The following ZFP69B variants were observed in gnomAD, a reference collection of about 807,000 sequenced individuals.
ZFP69B encodes the protein ZFP69 zinc finger protein B.
A neutral mutation model predicts 19.7 loss-of-function variants in ZFP69B; 20 were observed. The ratio of observed to expected loss-of-function variants is 1.02; its 90% CI spans 0.71 to 1.48. ZFP69B has a LOEUF of 1.48. Among genes scored for constraint, ZFP69B ranks in the 40% most tolerant of loss-of-function variants. The pLI is 0.00. For missense variants in ZFP69B, 583 were observed against 632.6 expected, an observed-to-expected ratio of 0.92 and a Z score of 0.84; for synonymous variants, 220 against 222.7, an observed-to-expected ratio of 0.99 and a Z score of 0.11.
At chr1:40,453,903 A>G (rs1228907253) in intron 1 of ZFP69B, among the ~76,000 whole-genome samples, 2 of 152,160 alleles carry the variant, frequency 1.3e-5, no homozygotes, top group Non-Finnish European at 2.9e-5. Context: ...AAATAACAAA[A>G]AAGAAATCTA....
intron 4 of ZFP69B, among the ~76,000 whole-genome samples, chr1:40,459,457 A>T (rs985191409): frequency 6.6e-6 from 1 of 152,170 alleles, no homozygotes; most frequent in South Asian, 2.1e-4. Flanking sequence ...AAATCATGGT[A>T]TCAGCAAGAA....
Position 40,462,898 on chromosome 1 carries a change from A to G in ZFP69B, c.914A>G (p.Lys305Arg). ...CACATGAGAATTCATACCGGGGAGA[A>G]ACCTTTCAGATGTAAGGAATGTGGA... ...TEHMRIHTGEKPFRCKECGKA... is the reference protein window; with the variant it reads ...TEHMRIHTGERPFRCKECGKA... Residue 305 changes from lysine to arginine, a missense_variant, in exon 5 of 5, where the codon AAA becomes AGA. Transcript: ENST00000361584. 1 of 1,614,196 alleles carries G rather than the reference A, an allele frequency of 6.2e-7. No individual in the cohort carries two copies. Among genetic ancestry groups the G allele is most frequent in the African/African-American group, 1.3e-5 (1 of 75,066 alleles).
chr1:40,457,519 C>T (rs11589777), intron 4 of ZFP69B, 80 bp downstream of exon 4: 29,935 of 1,195,846 alleles, frequency 0.025, 444 homozygotes, highest in Non-Finnish European at 0.03. Context: ...GTGGGGAAGA[C>T]TGAGGCCATG....
At chr1:40,457,660 C>A (rs1436108060) in intron 4 of ZFP69B, among the ~76,000 whole-genome samples, 3 of 152,184 alleles carry the variant, frequency 2.0e-5, no homozygotes, top group East Asian at 3.8e-4. Context: ...CCTTCTTCAT[C>A]ATTTCTTTTG....
chr1:40,454,001 A>T (rs1339467915), intron 1 of ZFP69B, among the ~76,000 whole-genome samples: 1 of 152,178 alleles, frequency 6.6e-6, no homozygotes, highest in Non-Finnish European at 1.5e-5. Context: ...GATTACTAAG[A>T]CCATTGGGAA....
intron 2 of ZFP69B, 46 bp from the exon 3 acceptor site, chr1:40,456,899 C>A (rs1437237184): frequency 1.3e-6 from 2 of 1,577,630 alleles, no homozygotes; most frequent in Non-Finnish European, 1.7e-6. Context: ...AAAGTCAGAA[C>A]AACTTCCCAA....
In ZFP69B at chr1:40,463,373, T is replaced by G; in HGVS notation, c.1389T>G (p.Ser463=). 1 of 1,614,164 alleles carries G rather than the reference T, an allele frequency of 6.2e-7. No homozygotes were observed. Among genetic ancestry groups the G allele is most frequent in the South Asian group, 1.1e-5 (1 of 91,088 alleles). The part of the protein sequence containing the change: ...GKAFSQRIHL[S]IHQRVHTGVK... ...CCTTTAGCCAGAGAATACATCTTTCTATCCATCAGAGAGTCCATACTGGAG... is the reference window on the plus strand; with the variant it reads ...CCTTTAGCCAGAGAATACATCTTTCGATCCATCAGAGAGTCCATACTGGAG... Residue 463 remains serine, a synonymous_variant, in exon 5 of 5, where the codon TCT becomes TCG. Coordinates refer to ENST00000361584, the MANE Select transcript of ZFP69B (RefSeq NM_023070.3).
intron 4 of ZFP69B, among the ~76,000 whole-genome samples, chr1:40,461,314 G>A (rs944367507): frequency 2.0e-5 from 3 of 152,006 alleles, no homozygotes; most frequent in African/African-American, 4.8e-5. Context: ...AATCCTCAGC[G>A]ACTGGAGGGA....
chr1:40,463,647 C>T lies in ZFP69B; in HGVS notation c.*58C>T. On this transcript the variant is annotated 3_prime_UTR_variant, in exon 5 of 5. Coordinates refer to ENST00000361584, the MANE Select transcript of ZFP69B (RefSeq NM_023070.3). ...GCACAAGATTCTAAATCAGTGGTTC[C>T]CTGATCCCTCAAAAATCCATTTGTT... 1 of 1,423,748 alleles carries T rather than the reference C, an allele frequency of 7.0e-7. No individual in the cohort carries two copies. The highest frequency in any genetic ancestry group is 1.5e-5 in the South Asian group (1 of 68,678). The allele number at this position is 1,423,748 out of a possible 1,614,324, so 88.2% of individuals were successfully genotyped here.
In ZFP69B at chr1:40,463,468, G is replaced by T. The variant is rs1034816639; in HGVS notation, c.1484G>T (p.Arg495Ile). The T allele has an allele frequency of 1.9e-6, 3 of 1,614,126 alleles. No individual in the cohort carries two copies. Among genetic ancestry groups the T allele is most frequent in the Non-Finnish European group, 2.5e-6 (3 of 1,180,012 alleles). ...RHDSSFAKHQ[R>I]IHTGEKPYDC... ...GATTCATCCTTTGCTAAACATCAGAGAATTCATACTGGAGAAAAACCTTAT... is the reference window on the plus strand; with the variant it reads ...GATTCATCCTTTGCTAAACATCAGATAATTCATACTGGAGAAAAACCTTAT... The change falls in exon 5 of 5, where the codon AGA becomes ATA. Residue 495 changes from arginine to isoleucine, a missense_variant. Coordinates refer to ENST00000361584, the MANE Select transcript of ZFP69B (RefSeq NM_023070.3).
In ZFP69B at chr1:40,456,986, G is replaced by A. The variant is rs538126128; in HGVS notation, c.255G>A (p.Gln85=). ...AGGACGTATCTGTGGACTTCACTCA[G>A]GAGGAGTGGGGGCAGCTGGCCCCTG... is the stretch of plus-strand genomic sequence containing the variant. ...TFKDVSVDFT[Q]EEWGQLAPAH... The change falls in exon 3 of 5, where the codon CAG becomes CAA. Residue 85 remains glutamine (Q), a synonymous_variant. Transcript: ENST00000361584. The A allele has an allele frequency of 8.1e-6, 13 of 1,614,010 alleles. No homozygotes were observed. Among genetic ancestry groups the A allele is most frequent in the Non-Finnish European group, 1.0e-5 (12 of 1,179,888 alleles).
Position 40,450,853 on chromosome 1 carries a change from G to A in ZFP69B, c.-109G>A. ...TAGGAGTCGGCGATTAAGGAGATCGGTACAATTGGGAAGCCTCCTGTCAGA... is the reference window on the plus strand; with the variant it reads ...TAGGAGTCGGCGATTAAGGAGATCGATACAATTGGGAAGCCTCCTGTCAGA... On this transcript the variant is annotated 5_prime_UTR_variant, in exon 1 of 5. Transcript: ENST00000361584. 1 of 1,302,684 alleles carries A rather than the reference G, an allele frequency of 7.7e-7. No homozygotes were observed. Among genetic ancestry groups the A allele is most frequent in the Non-Finnish European group, 1.0e-6 (1 of 996,596 alleles). The allele number at this position is 1,302,684 out of a possible 1,614,324, so 80.7% of individuals were successfully genotyped here.
At chr1:40,461,572 A>C (rs1645285672) in intron 4 of ZFP69B, among the ~76,000 whole-genome samples, 1 of 152,102 alleles carries the variant, frequency 6.6e-6, no homozygotes, top group South Asian at 2.1e-4. Flanking sequence ...AGGCAGGTGG[A>C]TTGCTTGAGC....
At chr1:40,457,108 A>G in intron 3 of ZFP69B, 37 bp downstream of exon 3, 1 of 1,580,658 alleles carries the variant, frequency 6.3e-7, no homozygotes, top group African/African-American at 1.4e-5. Flanking sequence ...GAACGTACCT[A>G]TTGGATGAAA....
At chr1:40,455,164 T>TAG (rs1299361028) in intron 2 of ZFP69B, among the ~76,000 whole-genome samples, 2 of 152,182 alleles carry the variant, frequency 1.3e-5, no homozygotes, top group Admixed American at 1.3e-4. Flanking sequence ...GGAAAACTTC[T>TAG]AATAGCAGTT....
chr1:40,463,546 A>C lies in ZFP69B; in HGVS notation c.1562A>C (p.His521Pro). Residue 521 changes from histidine to proline, a missense_variant, in exon 5 of 5, where the codon CAC becomes CCC. Transcript: ENST00000361584. ...AFSCSSSLIR[H>P]CKTHLRNTFS... ...AGCTGTAGTTCATCCCTTATTAGAC[A>C]CTGCAAAACACATTTAAGAAATACC... is the stretch of plus-strand genomic sequence containing the variant. The C allele has an allele frequency of 6.2e-7, 1 of 1,612,032 alleles. No homozygotes were observed. Among genetic ancestry groups the C allele is most frequent in the Non-Finnish European group, 8.5e-7 (1 of 1,179,128 alleles).
Position 40,462,735 on chromosome 1 carries a change from C to A in ZFP69B, c.751C>A (p.Arg251Ser). ...AATAGGTCTTCCAAGAAAAAGAGAT[C>A]GTAAATATGACACACCTGGAAAGAG... ...GPIGLPRKRDRKYDTPGKRSR... is the reference protein window; with the variant it reads ...GPIGLPRKRDSKYDTPGKRSR... The change falls in exon 5 of 5, where the codon CGT becomes AGT. Residue 251 changes from arginine to serine, a missense_variant. By Grantham distance (110) the Arg-to-Ser change is moderately radical (BLOSUM62 -1). Transcript: ENST00000361584. 1 of 1,614,004 alleles carries A rather than the reference C, an allele frequency of 6.2e-7. No individual in the cohort carries two copies. The highest frequency in any genetic ancestry group is 8.5e-7 in the Non-Finnish European group (1 of 1,179,986).
chr1:40,457,820 G>T (rs1447861096), intron 4 of ZFP69B, among the ~76,000 whole-genome samples: 1 of 151,968 alleles, frequency 6.6e-6, no homozygotes, highest in East Asian at 1.9e-4. Context: ...TTTACCATCG[G>T]TTTCACTGTC....
chr1:40,454,253 A>G lies in ZFP69B; in HGVS notation c.178A>G (p.Arg60Gly), dbSNP rs758183002. The change falls in exon 2 of 5, where the codon AGA becomes GGA. Residue 60 changes from arginine to glycine, a missense_variant. Physicochemically the swap from Arg to Gly is moderately radical, Grantham distance 125. Coordinates refer to ENST00000361584, the MANE Select transcript of ZFP69B (RefSeq NM_023070.3). The part of the protein sequence containing the change: ...DETQGESLES[R>G]VTLGSLTAES... ...GACCCAGGGCGAAAGTTTAGAGAGT[A>G]GAGTGACCCTTGGATCCCTGACAGC... is the stretch of plus-strand genomic sequence containing the variant. 9.5e-5 allele frequency: 153 copies of G among 1,604,110 alleles called. No individual in the cohort carries two copies. The highest frequency in any genetic ancestry group is 1.3e-4 in the Non-Finnish European group (148 of 1,174,458).
Sources: gnomAD v4.1 joint callset for allele counts (sites outside exome capture counted in the v4.1 genomes callset) on GRCh38, gnomAD v4.1.1 for gene constraint, MANE v1.5 for transcripts, NCBI Gene and HGNC (gene_info 2026-07-23, HGNC 2026-07-21) for gene names.